The following IDH1 variants were observed in gnomAD, a reference collection of about 807,000 sequenced individuals.
The protein encoded by IDH1 is isocitrate dehydrogenase [NADP] cytoplasmic.
Under a neutral mutation model 46.1 loss-of-function variants are expected in IDH1, and 33 were observed. That is an observed-to-expected ratio of 0.72 (90% CI 0.54 to 0.96). The LOEUF (loss-of-function observed/expected upper bound fraction) is 0.96. IDH1 is among the 40% of genes least tolerant of loss of function. The probability of loss-of-function intolerance (pLI) is 0.00; values close to 1 mark genes in which losing one functional copy is unlikely to be tolerated. For missense variants in IDH1, 421 were observed against 515.7 expected, an observed-to-expected ratio of 0.82 and a Z score of 1.78; for synonymous variants, 144 against 172.8, an observed-to-expected ratio of 0.83 and a Z score of 1.31.
At chr2:208,245,025 C>G (rs1687989459) in intron 5 of IDH1, among the ~76,000 whole-genome samples, 1 of 152,204 alleles carries the variant, frequency 6.6e-6, no homozygotes, top group Non-Finnish European at 1.5e-5. Context: ...AATTCATGCA[C>G]AGCAGATTTC....
At chr2:208,251,588 C>T (rs770547080) in intron 2 of IDH1, 21 bp from the exon 3 acceptor site, 11 of 1,576,166 alleles carry the variant, frequency 7.0e-6, no homozygotes, top group African/African-American at 1.4e-5. Context: ...AAAAAAAATA[C>T]ATGCCTTGTC....
intron 4 of IDH1, among the ~76,000 whole-genome samples, chr2:208,246,532 G>T (rs1688024720): frequency 6.6e-6 from 1 of 150,758 alleles, no homozygotes; most frequent in African/African-American, 2.4e-5. Flanking sequence ...ATAGGTTTAT[G>T]TATATTTAAA....
chr2:208,248,784 G>A, intron 3 of IDH1, 124 bp from the exon 4 acceptor site: 1 of 883,616 alleles, frequency 1.1e-6, no homozygotes, highest in Non-Finnish European at 1.8e-6. Context: ...ACCAAAATCT[G>A]CCAAGTTTTA....
chr2:208,244,084 GGTGATTAC>G (rs1434413195), intron 5 of IDH1, among the ~76,000 whole-genome samples: 1 of 152,180 alleles, frequency 6.6e-6, no homozygotes, highest in Non-Finnish European at 1.5e-5. Context: ...CATCCCCTTT[GGTGATTAC>G]GTGAGTTCTC....
Position 208,251,523 on chromosome 2 carries a change from A to G in IDH1, c.29T>C (p.Val10Ala). 7 of 1,613,790 alleles carry G rather than the reference A, an allele frequency of 4.3e-6. No homozygotes were observed. The highest frequency in any genetic ancestry group is 5.1e-6 in the Non-Finnish European group (6 of 1,179,832). The change falls in exon 3 of 10, where the codon GTG becomes GCG. Residue 10 changes from valine to alanine, a missense_variant. Physicochemically the swap from Val to Ala is moderately conservative, Grantham distance 64 (BLOSUM62 0). Transcript: ENST00000345146. Reference protein sequence around the residue: MSKKISGGSVVEMQGDEMTR... With the variant: MSKKISGGSAVEMQGDEMTR... Reference sequence around the variant, plus strand: ...CATTTCATCTCCTTGCATCTCTACCACAGAACCGCCACTGATTTTTTTGGA... The same window carrying G: ...CATTTCATCTCCTTGCATCTCTACCGCAGAACCGCCACTGATTTTTTTGGA...
intron 2 of IDH1, among the ~76,000 whole-genome samples, chr2:208,252,735 G>A (rs1688146905): frequency 6.6e-6 from 1 of 152,212 alleles, no homozygotes. Context: ...AAAATGTAAT[G>A]ATTAGTAGAC....
chr2:208,245,187 G>C (rs78814139), intron 5 of IDH1, 132 bp downstream of exon 5: 16,123 of 638,222 alleles, frequency 0.025, 272 homozygotes, highest in Non-Finnish European at 0.036. Flanking sequence ...GTCAAGTTTC[G>C]GGTTTTGCAA....
At chr2:208,238,153 A>G (rs1687850959) in intron 9 of IDH1, among the ~76,000 whole-genome samples, 2 of 150,410 alleles carry the variant, frequency 1.3e-5, no homozygotes, top group African/African-American at 4.9e-5. Flanking sequence ...CTCCTGCCTC[A>G]GCCTCCCGAG....
chr2:208,238,903 G>A (rs1435155039), intron 9 of IDH1, among the ~76,000 whole-genome samples, 168 bp downstream of exon 9: 1 of 152,204 alleles, frequency 6.6e-6, no homozygotes, highest in Non-Finnish European at 1.5e-5. Context: ...AAGACTATAT[G>A]TTCCACAAAG....
At chr2:208,253,144 C>T (rs1226484589) in intron 2 of IDH1, among the ~76,000 whole-genome samples, 1 of 152,218 alleles carries the variant, frequency 6.6e-6, no homozygotes, top group African/African-American at 2.4e-5. Context: ...ATGGCAAATA[C>T]AGTTAATAGA....
intron 9 of IDH1, among the ~76,000 whole-genome samples, chr2:208,238,788 T>C (rs1018752106): frequency 1.8e-4 from 27 of 152,196 alleles, no homozygotes; most frequent in African/African-American, 6.0e-4. Flanking sequence ...GTTTTGAACA[T>C]AAAAGTTTGA....
In IDH1 at chr2:208,237,027, C is replaced by T. The variant is rs1434503912; in HGVS notation, c.*52G>A. On this transcript the variant is annotated 3_prime_UTR_variant, in exon 10 of 10. Coordinates refer to ENST00000345146, the MANE Select transcript of IDH1 (RefSeq NM_005896.4). ...GAGTGTAACACAGAAAAATGTAAACCTGTAGACCTAGTTACCAAAAGACAA... is the reference window on the plus strand; with the variant it reads ...GAGTGTAACACAGAAAAATGTAAACTTGTAGACCTAGTTACCAAAAGACAA... 1.3e-5 allele frequency: 13 copies of T among 975,928 alleles called. No individual in the cohort carries two copies. Among genetic ancestry groups the T allele is most frequent in the Middle Eastern group, 2.6e-4 (1 of 3,848 alleles). 60.5% of individuals were successfully genotyped at this position (975,928 alleles called of 1,614,324 possible). A position where few individuals can be genotyped will look rare whatever the true frequency, so the allele number is the denominator to read the frequency against.
intron 3 of IDH1, among the ~76,000 whole-genome samples, chr2:208,249,953 G>A (rs949682442): frequency 1.3e-5 from 2 of 152,134 alleles, no homozygotes; most frequent in Admixed American, 6.5e-5. Flanking sequence ...TTTTTTGCTT[G>A]TCTTCTTAAC....
chr2:208,249,770 C>T (rs556339788), intron 3 of IDH1, among the ~76,000 whole-genome samples: 3 of 152,200 alleles, frequency 2.0e-5, no homozygotes, highest in Admixed American at 1.3e-4. Flanking sequence ...AAATAACTTC[C>T]AACTGCTTCG....
chr2:208,247,205 C>A (rs1688039525), intron 4 of IDH1, among the ~76,000 whole-genome samples: 1 of 152,164 alleles, frequency 6.6e-6, no homozygotes, highest in African/African-American at 2.4e-5. Context: ...ACATTAAAAC[C>A]TCTGGATTTC....
chr2:208,244,900 G>A (rs973748438), intron 5 of IDH1, among the ~76,000 whole-genome samples: 6 of 152,204 alleles, frequency 3.9e-5, no homozygotes, highest in African/African-American at 1.4e-4. Flanking sequence ...AGAAGGGCAA[G>A]AAGAAAACTT....
chr2:208,242,593 A>C (rs1369534479), intron 6 of IDH1, among the ~76,000 whole-genome samples: 1 of 152,202 alleles, frequency 6.6e-6, no homozygotes, highest in Non-Finnish European at 1.5e-5. Context: ...AGGAATCAAA[A>C]TGCCTCAGGA....
At chr2:208,245,593 A>T (rs1186614211) in intron 4 of IDH1, among the ~76,000 whole-genome samples, 169 bp from the exon 5 acceptor site, 1 of 143,426 alleles carries the variant, frequency 7.0e-6, no homozygotes, top group African/African-American at 2.6e-5. Context: ...AGGTCCAGAC[A>T]TTCCCCTAAA....
intron 2 of IDH1, among the ~76,000 whole-genome samples, chr2:208,251,853 TA>T (rs978127229): frequency 6.1e-5 from 9 of 148,534 alleles, no homozygotes; most frequent in Non-Finnish European, 7.5e-5. Flanking sequence ...TTTACTTTGT[TA>T]AAAAAAAAAG....
Sources: allele counts gnomAD v4.1 joint callset (sites outside exome capture counted in the v4.1 genomes callset), GRCh38; gene constraint gnomAD v4.1.1; transcripts MANE v1.5; gene names NCBI Gene and HGNC (gene_info 2026-07-23, HGNC 2026-07-21).